The following HOOK3 variants were observed in gnomAD, a reference collection of about 807,000 sequenced individuals.
HOOK3 encodes the protein hook microtubule tethering protein 3, also known as protein Hook homolog 3.
A neutral mutation model predicts 116.3 loss-of-function variants in HOOK3; 24 were observed. The ratio of observed to expected loss-of-function variants is 0.21; its 90% CI spans 0.15 to 0.29. HOOK3 has a LOEUF of 0.29. Ranked by LOEUF, HOOK3 falls within the 10% of genes least tolerant of loss-of-function variation. The probability of loss-of-function intolerance (pLI) is 1.00; values close to 1 mark genes in which losing one functional copy is unlikely to be tolerated. For missense variants in HOOK3, 632 were observed against 830.2 expected, an observed-to-expected ratio of 0.76 and a Z score of 2.93; for synonymous variants, 275 against 283.0, an observed-to-expected ratio of 0.97 and a Z score of 0.28.
At chr8:42,905,350 G>A (rs529234439) in intron 1 of HOOK3, among the ~76,000 whole-genome samples, 145 of 149,502 alleles carry the variant, frequency 9.7e-4, no homozygotes, top group Middle Eastern at 3.4e-3. Context: ...CGTGGTGGAG[G>A]GGATATAGTT....
chr8:42,922,893 A>C (rs1807684395), intron 2 of HOOK3, among the ~76,000 whole-genome samples: 1 of 151,894 alleles, frequency 6.6e-6, no homozygotes, highest in South Asian at 2.1e-4. Context: ...AAAAAAAAAA[A>C]AGAAGGAAAG....
chr8:42,985,811 C>A (rs1809039280), intron 14 of HOOK3, among the ~76,000 whole-genome samples: 1 of 151,242 alleles, frequency 6.6e-6, no homozygotes, highest in Non-Finnish European at 1.5e-5. Context: ...TGAATTAGAT[C>A]ACAGATTTGG....
rs76156625 is a variant in HOOK3, at chr8:42,917,447, A to G, written c.144-8110A>G. On this transcript the variant is annotated intron_variant, in intron 2 of 21. Transcript: ENST00000307602. ...TAAATCGGTTGGTTCCTCTGTGACCAGCCCCCATCCTAAAGCAATAAAGGG... is the reference window on the plus strand; with the variant it reads ...TAAATCGGTTGGTTCCTCTGTGACCGGCCCCCATCCTAAAGCAATAAAGGG... Among the ~76,000 whole-genome samples the G allele has an allele frequency of 5.4e-3, 825 of 152,288 alleles. 15 individuals carry two copies. The highest frequency in any genetic ancestry group is 0.019 in the African/African-American group (786 of 41,556).
At chr8:42,916,562 A>G (rs1425112282) in intron 2 of HOOK3, among the ~76,000 whole-genome samples, 1 of 152,250 alleles carries the variant, frequency 6.6e-6, no homozygotes, top group Non-Finnish European at 1.5e-5. Context: ...ATGCGTCAGC[A>G]GTCACATCCT....
chr8:42,999,849 A>G (rs1327658552), intron 16 of HOOK3, among the ~76,000 whole-genome samples: 2 of 152,200 alleles, frequency 1.3e-5, no homozygotes, highest in Non-Finnish European at 2.9e-5. Flanking sequence ...CATTTCTTTT[A>G]AAAGTGCATA....
intron 19 of HOOK3, 77 bp downstream of exon 19, chr8:43,010,482 C>A: frequency 2.5e-6 from 1 of 396,034 alleles, no homozygotes; most frequent in Non-Finnish European, 4.6e-6. Flanking sequence ...AATGGACGGA[C>A]ACTACAGCAA....
chr8:43,010,985 A>G (rs1056455138), intron 19 of HOOK3, among the ~76,000 whole-genome samples: 1 of 151,752 alleles, frequency 6.6e-6, no homozygotes, highest in African/African-American at 2.4e-5. Context: ...CTGGGGGTTA[A>G]GGGGGTCCAT....
At chr8:42,898,550 C>T (rs902941272) in intron 1 of HOOK3, among the ~76,000 whole-genome samples, 1 of 152,270 alleles carries the variant, frequency 6.6e-6, no homozygotes, top group African/African-American at 2.4e-5. Flanking sequence ...ATAGATTTGG[C>T]AGAATCTGTA....
intron 15 of HOOK3, among the ~76,000 whole-genome samples, chr8:42,993,168 T>G (rs1008189893): frequency 6.6e-6 from 1 of 152,228 alleles, no homozygotes; most frequent in Non-Finnish European, 1.5e-5. Flanking sequence ...TCCCATTTGG[T>G]CATAATAAAT....
chr8:42,981,127 C>T (rs1269125852), intron 13 of HOOK3, among the ~76,000 whole-genome samples: 2 of 151,352 alleles, frequency 1.3e-5, no homozygotes, highest in Non-Finnish European at 2.9e-5. Context: ...TCTCAACTCA[C>T]TGCAGCCTCT....
chr8:42,971,315 A>C (rs1449579392), intron 11 of HOOK3, among the ~76,000 whole-genome samples: 1 of 152,118 alleles, frequency 6.6e-6, no homozygotes, highest in East Asian at 1.9e-4. Flanking sequence ...CGCTCAGGCT[A>C]GAGTGCAGTG....
rs758523779 is a variant in HOOK3, at chr8:43,007,877, A to G, written c.1686A>G (p.Leu562=). Residue 562 remains leucine, a synonymous_variant, in exon 18 of 22, where the codon CTA becomes CTG. Coordinates refer to ENST00000307602, the MANE Select transcript of HOOK3 (RefSeq NM_032410.4). Reference sequence around the variant, plus strand: ...AGCTGCATGAGGCCAATAATGAACTACAGAAGAAGAGAGCCATTATTGAAG... The same window carrying G: ...AGCTGCATGAGGCCAATAATGAACTGCAGAAGAAGAGAGCCATTATTGAAG... ...LEKLHEANNE[L]QKKRAIIEDL... The G allele has an allele frequency of 6.2e-7, 1 of 1,601,412 alleles. No individual in the cohort carries two copies. Among genetic ancestry groups the G allele is most frequent in the South Asian group, 1.1e-5 (1 of 88,990 alleles).
At position 42,997,638 on chromosome 8, in the gene HOOK3, G is replaced by T. The variant is rs1227094403; in HGVS notation, c.1620+1G>T. On this transcript the variant is annotated splice_donor_variant, in intron 16 of 21. Coordinates refer to ENST00000307602, the MANE Select transcript of HOOK3 (RefSeq NM_032410.4). LOFTEE classifies it high-confidence loss of function. ...GGATCAAGGCTCAAAAGCAGAAGATGTAAGTTTTAATATGTACCAACGATG... is the reference window on the plus strand; with the variant it reads ...GGATCAAGGCTCAAAAGCAGAAGATTTAAGTTTTAATATGTACCAACGATG... The T allele has an allele frequency of 6.4e-7, 1 of 1,556,040 alleles. No individual in the cohort carries two copies. The highest frequency in any genetic ancestry group is 8.9e-7 in the Non-Finnish European group (1 of 1,127,736).
intron 14 of HOOK3, among the ~76,000 whole-genome samples, chr8:42,985,707 T>C (rs1417017905): frequency 1.3e-5 from 2 of 151,472 alleles, no homozygotes; most frequent in Non-Finnish European, 2.9e-5. Flanking sequence ...ATCGTACCAC[T>C]GCACTTCAGC....
intron 15 of HOOK3, among the ~76,000 whole-genome samples, chr8:42,995,040 T>G (rs1027454722): frequency 1.3e-5 from 2 of 152,246 alleles, no homozygotes; most frequent in Admixed American, 6.5e-5. Context: ...TATGGACCTG[T>G]GTCCCCATAT....
At chr8:42,977,995 T>C (rs574056159) in intron 13 of HOOK3, among the ~76,000 whole-genome samples, 1 of 152,330 alleles carries the variant, frequency 6.6e-6, no homozygotes, top group East Asian at 1.9e-4. Context: ...TAATGGGCTC[T>C]GCTGCTAACT....
At chr8:42,903,350 T>TTTTTTTTTTTTTTTTTTTTTTTTTTTC (rs1563287035) in intron 1 of HOOK3, among the ~76,000 whole-genome samples, 5 of 143,538 alleles carry the variant, frequency 3.5e-5, no homozygotes, top group African/African-American at 1.1e-4. Flanking sequence ...TTTTTTTTTT[T>TTTTTTTTTTTTTTTTTTTTTTTTTTTC]TTTTTTTTTT....
At chr8:42,906,620 C>T (rs1807315918) in intron 2 of HOOK3, among the ~76,000 whole-genome samples, 1 of 152,168 alleles carries the variant, frequency 6.6e-6, no homozygotes, top group Non-Finnish European at 1.5e-5. Context: ...GGCACCTGCC[C>T]TGAGTACCCA....
chr8:43,018,725 C>T lies in HOOK3; in HGVS notation c.*227C>T, dbSNP rs1809766901. ...ATTTTTAATGTGCCAAAAATTTGTACATGTTCAATTAAAAATGTTGTATAA... is the reference window on the plus strand; with the variant it reads ...ATTTTTAATGTGCCAAAAATTTGTATATGTTCAATTAAAAATGTTGTATAA... On this transcript the variant is annotated 3_prime_UTR_variant, in exon 22 of 22. Coordinates refer to ENST00000307602, the MANE Select transcript of HOOK3 (RefSeq NM_032410.4). The T allele has an allele frequency of 7.2e-6, 3 of 418,628 alleles. No individual in the cohort carries two copies. The highest frequency in any genetic ancestry group is 2.0e-5 in the African/African-American group (1 of 49,500). 25.9% of individuals were successfully genotyped at this position (418,628 alleles called of 1,614,324 possible). A position where few individuals can be genotyped will look rare whatever the true frequency, so the allele number is the denominator to read the frequency against.
Sources: gnomAD v4.1 joint callset for allele counts (sites outside exome capture counted in the v4.1 genomes callset) on GRCh38, gnomAD v4.1.1 for gene constraint, MANE v1.5 for transcripts, NCBI Gene and HGNC (gene_info 2026-07-23, HGNC 2026-07-21) for gene names.